NEK11: variants seen among roughly 807,000 people sequenced by gnomAD.
NEK11 encodes the protein NIMA related kinase 11, also known as serine/threonine-protein kinase Nek11.
Under a neutral mutation model 80.7 loss-of-function variants are expected in NEK11, and 72 were observed. The observed-to-expected ratio is 0.89, with a 90% CI of 0.74 to 1.08. The LOEUF is 1.08. Ranked by LOEUF, NEK11 falls within the 50% of genes least tolerant of loss-of-function variation. NEK11 has a pLI of 0.00. For missense variants in NEK11, 764 were observed against 763.6 expected (o/e 1.00, Z -0.01); for synonymous variants, 251 against 260.7 (o/e 0.96, Z 0.36).
intron 9 of NEK11, 61 bp downstream of exon 9, chr3:131,152,770 A>C: frequency 8.6e-7 from 1 of 1,162,274 alleles, no homozygotes; most frequent in Non-Finnish European, 1.3e-6. Context: ...ACATTCCATG[A>C]CTTGAAGATA....
intron 7 of NEK11, among the ~76,000 whole-genome samples, chr3:131,144,222 C>T (rs2087635128): frequency 6.6e-6 from 1 of 152,152 alleles, no homozygotes; most frequent in South Asian, 2.1e-4. Flanking sequence ...TAATTTGCTT[C>T]ACAGACACCT....
intron 14 of NEK11, among the ~76,000 whole-genome samples, chr3:131,212,930 A>T (rs796102987): frequency 3.9e-5 from 6 of 152,318 alleles, no homozygotes; most frequent in African/African-American, 1.4e-4. Flanking sequence ...AGTAAAGCAG[A>T]TTACTCTTGA....
At chr3:131,068,896 CAG>C (rs2072597691) in intron 3 of NEK11, among the ~76,000 whole-genome samples, 1 of 152,158 alleles carries the variant, frequency 6.6e-6, no homozygotes, top group African/African-American at 2.4e-5. Flanking sequence ...TATGCTTATA[CAG>C]AGTTTCATTT....
intron 16 of NEK11, among the ~76,000 whole-genome samples, chr3:131,256,727 A>G (rs2095822976): frequency 6.6e-6 from 1 of 152,100 alleles, no homozygotes; most frequent in Non-Finnish European, 1.5e-5. Flanking sequence ...GCAGTTAGCT[A>G]TCACCCAGGG....
chr3:131,326,223 TG>T (rs2096964199), intron 17 of NEK11: 2 of 152,216 alleles, frequency 1.3e-5, no homozygotes, highest in African/African-American at 4.8e-5. Flanking sequence ...GATTTGCTCT[TG>T]GCTGCAGCTC....
chr3:131,029,907 G>T (rs749984730), intron 3 of NEK11, 29 bp downstream of exon 3: 1 of 1,605,624 alleles, frequency 6.2e-7, no homozygotes, highest in South Asian at 1.1e-5. Context: ...TATGAATCTT[G>T]AGTAGGCTGC....
intron 16 of NEK11, among the ~76,000 whole-genome samples, chr3:131,251,699 T>C (rs1362203459): frequency 6.6e-6 from 1 of 152,100 alleles, no homozygotes; most frequent in Non-Finnish European, 1.5e-5. Context: ...GCTAAAGTGC[T>C]TGCTGCCCAA....
chr3:131,094,307 T>C (rs756723293), intron 4 of NEK11, among the ~76,000 whole-genome samples: 1 of 152,036 alleles, frequency 6.6e-6, no homozygotes, highest in Non-Finnish European at 1.5e-5. Context: ...AAATATACTT[T>C]AGCATAATGC....
chr3:131,213,619 T>C (rs2094710010), intron 14 of NEK11, among the ~76,000 whole-genome samples: 1 of 152,130 alleles, frequency 6.6e-6, no homozygotes, highest in Non-Finnish European at 1.5e-5. Flanking sequence ...TTTTGGCAAA[T>C]ATTTGGTGGC....
At chr3:131,206,718 G>A (rs960579481) in intron 14 of NEK11, among the ~76,000 whole-genome samples, 37 of 151,980 alleles carry the variant, frequency 2.4e-4, no homozygotes, top group Non-Finnish European at 2.8e-4. Context: ...TGTGCACAAC[G>A]TGCAGGTTTG....
intron 16 of NEK11, among the ~76,000 whole-genome samples, chr3:131,263,953 C>T (rs573336668): frequency 1.3e-5 from 2 of 152,212 alleles, no homozygotes; most frequent in Non-Finnish European, 2.9e-5. Context: ...TTGCATTTCT[C>T]TGATGGCCAG....
intron 17 of NEK11, among the ~76,000 whole-genome samples, chr3:131,284,623 C>T (rs1168818489): frequency 6.6e-6 from 1 of 152,140 alleles, no homozygotes; most frequent in Non-Finnish European, 1.5e-5. Flanking sequence ...GAGAAGCAGA[C>T]CTACCCTCAA....
chr3:131,250,288 A>T (rs114783763), intron 16 of NEK11, among the ~76,000 whole-genome samples: 1,536 of 152,146 alleles, frequency 0.01, 21 homozygotes, highest in African/African-American at 0.033. Context: ...CAAATAAATA[A>T]GAAAAATATC....
chr3:131,054,747 TCTAA>T lies in NEK11; in HGVS notation c.170+24870_170+24873del, dbSNP rs201984808. 1.0e-3 allele frequency among the ~76,000 whole-genome samples: 128 copies of T among 124,074 alleles called. No homozygotes were observed. In the East Asian group the frequency reaches 0.018, roughly 18 times the overall value. 81.4% of individuals were successfully genotyped at this position (124,074 alleles called of 152,430 possible). On this transcript the variant is annotated intron_variant, in intron 3 of 17. Coordinates refer to ENST00000383366, the MANE Select transcript of NEK11 (RefSeq NM_024800.5). ...ACTCCAGCCTGGGTGACAGCCTGCC[TCTAA>T]ATAAATAAATAAATAAATAAATAAA...
At chr3:131,327,564 G>C (rs2096988348) in intron 17 of NEK11, 1 of 151,682 alleles carries the variant, frequency 6.6e-6, no homozygotes, top group Non-Finnish European at 1.5e-5. Context: ...AAGCTAAGAG[G>C]GTAGATCATA....
At chr3:131,042,319 C>T (rs542707034) in intron 3 of NEK11, among the ~76,000 whole-genome samples, 6 of 152,224 alleles carry the variant, frequency 3.9e-5, no homozygotes, top group African/African-American at 1.2e-4. Context: ...TCTTGCTCAG[C>T]GGATCCCATT....
At chr3:131,269,981 G>A (rs573902410) in intron 16 of NEK11, among the ~76,000 whole-genome samples, 4 of 152,288 alleles carry the variant, frequency 2.6e-5, no homozygotes, top group East Asian at 1.9e-4. Context: ...ACCTGGGAAG[G>A]TTCCTCTGCC....
At chr3:131,265,291 C>A (rs925367124) in intron 16 of NEK11, among the ~76,000 whole-genome samples, 1 of 152,102 alleles carries the variant, frequency 6.6e-6, no homozygotes, top group Non-Finnish European at 1.5e-5. Context: ...TTGTCTTGTG[C>A]CAGTTTTCAA....
chr3:131,201,478 A>G (rs190424209), intron 14 of NEK11, among the ~76,000 whole-genome samples: 54 of 152,276 alleles, frequency 3.5e-4, no homozygotes, highest in African/African-American at 1.3e-3. Context: ...AACAAAGGAA[A>G]TGAGAGAGCA....
Sources: gnomAD v4.1 joint callset for allele counts (sites outside exome capture counted in the v4.1 genomes callset) on GRCh38, gnomAD v4.1.1 for gene constraint, MANE v1.5 for transcripts, NCBI Gene and HGNC (gene_info 2026-07-23, HGNC 2026-07-21) for gene names.